The following GPC5 variants were observed in gnomAD, a reference collection of about 807,000 sequenced individuals.
GPC5 encodes glypican-5.
Under a neutral mutation model 53.9 loss-of-function variants are expected in GPC5, and 47 were observed. The observed-to-expected ratio is 0.87, with a 90% confidence interval of 0.69 to 1.11. The LOEUF is 1.11. Ranked by LOEUF, GPC5 falls within the 50% of genes most tolerant of loss-of-function variation. The pLI, the probability that GPC5 is intolerant of heterozygous loss-of-function variation, is 0.00. For missense variants in GPC5, 748 were observed against 713.1 expected, an observed-to-expected ratio of 1.05 and a Z score of -0.56; for synonymous variants, 286 against 263.3, an observed-to-expected ratio of 1.09 and a Z score of -0.84.
chr13:91,427,753 G>C (rs901098576), intron 1 of GPC5, among the ~76,000 whole-genome samples: 1 of 152,132 alleles, frequency 6.6e-6, no homozygotes, highest in Non-Finnish European at 1.5e-5. Flanking sequence ...TGGTTTGGCT[G>C]TGTCCCCACC....
At chr13:91,878,834 C>A (rs765046734) in intron 5 of GPC5, among the ~76,000 whole-genome samples, 2 of 152,110 alleles carry the variant, frequency 1.3e-5, no homozygotes, top group African/African-American at 2.4e-5. Context: ...TTGGGCAGTT[C>A]TTTATAGCAG....
chr13:92,478,959 T>C (rs1265603641), intron 7 of GPC5, among the ~76,000 whole-genome samples: 1 of 152,128 alleles, frequency 6.6e-6, no homozygotes, highest in Non-Finnish European at 1.5e-5. Flanking sequence ...CAATATGAAA[T>C]TGGTTAAGTT....
chr13:91,833,312 G>A (rs529182532), intron 5 of GPC5, among the ~76,000 whole-genome samples: 95 of 152,154 alleles, frequency 6.2e-4, no homozygotes, highest in African/African-American at 2.2e-3. Flanking sequence ...TTCTACCAGA[G>A]GTACAAAGAA....
intron 6 of GPC5, among the ~76,000 whole-genome samples, chr13:92,135,405 G>A (rs534145093): frequency 1.3e-3 from 201 of 152,168 alleles, no homozygotes; most frequent in African/African-American, 4.5e-3. Flanking sequence ...TCACTTACTC[G>A]TTAGTTTTTA....
At chr13:92,708,778 C>T (rs1888032960) in intron 7 of GPC5, among the ~76,000 whole-genome samples, 1 of 142,030 alleles carries the variant, frequency 7.0e-6, no homozygotes, top group Non-Finnish European at 1.5e-5. Flanking sequence ...AAAATACTCA[C>T]TATAAAATAT....
chr13:91,971,210 G>C lies in GPC5; in HGVS notation c.1401+63153G>C, dbSNP rs978450963. Among the ~76,000 whole-genome samples, 3 of 151,968 alleles carry C rather than the reference G, an allele frequency of 2.0e-5. No individual in the cohort carries two copies. In the East Asian group the frequency reaches 5.8e-4, roughly 29 times the overall value. ...TTAGTCTTGGGAGGGTGTATGTGTC[G>C]AGGAATTTATCCATTTCTTCTAGAT... On this transcript the variant is annotated intron_variant, in intron 6 of 7. Transcript: ENST00000377067.
chr13:92,287,682 T>C (rs1475037226), intron 7 of GPC5, among the ~76,000 whole-genome samples: 2 of 152,156 alleles, frequency 1.3e-5, no homozygotes, highest in African/African-American at 4.8e-5. Flanking sequence ...AAGTTGCTTT[T>C]CTTGCTGCTT....
chr13:92,575,181 A>G (rs537537114), intron 7 of GPC5, among the ~76,000 whole-genome samples: 29 of 152,290 alleles, frequency 1.9e-4, no homozygotes, highest in Admixed American at 1.4e-3. Context: ...CCAAAAAGAT[A>G]TGTTCAAGTC....
In GPC5 at chr13:92,810,754, C is replaced by G. The variant is rs189374504; in HGVS notation, c.1562-55528C>G. On this transcript the variant is annotated intron_variant, in intron 7 of 7. Transcript: ENST00000377067. Reference sequence around the variant, plus strand: ...ATTTGTTTTTGAGACGGAGTCTCACCTTGTTGCCCAGGCTGGAATACAGTG... The same window carrying G: ...ATTTGTTTTTGAGACGGAGTCTCACGTTGTTGCCCAGGCTGGAATACAGTG... Among the ~76,000 whole-genome samples the G allele has an allele frequency of 6.7e-3, 1,025 of 152,042 alleles. 33 individuals are homozygous for G. Among genetic ancestry groups the G allele is most frequent in the African/African-American group, 0.024 (973 of 41,390 alleles).
chr13:92,168,234 C>T (rs958575894), intron 7 of GPC5, among the ~76,000 whole-genome samples: 6 of 152,020 alleles, frequency 3.9e-5, no homozygotes, highest in Non-Finnish European at 7.4e-5. Flanking sequence ...CTATAAAAAC[C>T]CTAGAAGAAA....
chr13:91,550,618 G>A (rs1256136741), intron 2 of GPC5, among the ~76,000 whole-genome samples: 4 of 152,008 alleles, frequency 2.6e-5, no homozygotes, highest in Non-Finnish European at 2.9e-5. Context: ...AGTGTGAATG[G>A]GCACATCAGA....
intron 7 of GPC5, among the ~76,000 whole-genome samples, chr13:92,731,746 G>A (rs1375346132): frequency 1.3e-5 from 2 of 151,416 alleles, no homozygotes; most frequent in Non-Finnish European, 3.0e-5. Context: ...TAACCTCACA[G>A]AAATTAGAAA....
chr13:92,350,748 G>A (rs1043042002), intron 7 of GPC5, among the ~76,000 whole-genome samples: 5 of 152,026 alleles, frequency 3.3e-5, no homozygotes, highest in East Asian at 3.8e-4. Flanking sequence ...TTTATTACAC[G>A]TTGTATATAT....
At chr13:91,455,483 C>T (rs1195226450) in intron 2 of GPC5, among the ~76,000 whole-genome samples, 1 of 152,036 alleles carries the variant, frequency 6.6e-6, no homozygotes, top group African/African-American at 2.4e-5. Flanking sequence ...ACATGCAGTT[C>T]TTTATTTTGT....
At chr13:91,600,617 A>G (rs2033151676) in intron 2 of GPC5, among the ~76,000 whole-genome samples, 1 of 151,766 alleles carries the variant, frequency 6.6e-6, no homozygotes, top group African/African-American at 2.4e-5. Flanking sequence ...TTTTATTACT[A>G]TTATTTTTTG....
intron 6 of GPC5, among the ~76,000 whole-genome samples, chr13:92,065,191 T>C (rs2041158400): frequency 6.6e-6 from 1 of 152,164 alleles, no homozygotes; most frequent in Non-Finnish European, 1.5e-5. Context: ...AACCAAATAG[T>C]TATGAGTCTA....
chr13:91,523,811 A>G (rs1189419017), intron 2 of GPC5, among the ~76,000 whole-genome samples: 1 of 152,214 alleles, frequency 6.6e-6, no homozygotes. Flanking sequence ...GATATATCAC[A>G]TTATACAACT....
chr13:91,455,219 T>C (rs1881457527), intron 2 of GPC5, among the ~76,000 whole-genome samples: 1 of 152,082 alleles, frequency 6.6e-6, no homozygotes, highest in African/African-American at 2.4e-5. Context: ...GGTTCACACA[T>C]AGAAGCACAA....
intron 6 of GPC5, among the ~76,000 whole-genome samples, chr13:91,925,893 A>G (rs1488352009): frequency 6.6e-6 from 1 of 152,332 alleles, no homozygotes; most frequent in East Asian, 1.9e-4. Context: ...AAACTGGTTG[A>G]GATTACTTAG....
Sources: allele counts gnomAD v4.1 joint callset (sites outside exome capture counted in the v4.1 genomes callset), GRCh38; gene constraint gnomAD v4.1.1; transcripts MANE v1.5; gene names NCBI Gene and HGNC (gene_info 2026-07-23, HGNC 2026-07-21).